The following PCDH9 variants were observed in gnomAD, a reference collection of about 807,000 sequenced individuals.
PCDH9 encodes the protein protocadherin-9.
A neutral mutation model predicts 70.6 loss-of-function variants in PCDH9; 24 were observed. That is an observed-to-expected ratio of 0.34 (90% CI 0.25 to 0.48). The LOEUF (loss-of-function observed/expected upper bound fraction) is 0.48. PCDH9 is among the 20% of genes least tolerant of loss of function. PCDH9 has a pLI of 0.99. For missense variants in PCDH9, 1,281 were observed against 1,503.6 expected (o/e 0.85, Z 2.45); for synonymous variants, 562 against 558.5 (o/e 1.01, Z -0.09).
chr13:66,766,906 T>C (rs761709781), intron 3 of PCDH9, among the ~76,000 whole-genome samples: 11 of 151,960 alleles, frequency 7.2e-5, no homozygotes, highest in Non-Finnish European at 1.3e-4. Flanking sequence ...AGTGGTTTCA[T>C]TCAAAAAGTT....
At chr13:66,847,826 A>G (rs763024855) in intron 3 of PCDH9, among the ~76,000 whole-genome samples, 48 of 152,188 alleles carry the variant, frequency 3.2e-4, no homozygotes, top group Non-Finnish European at 6.3e-4. Context: ...CATGGGATGG[A>G]GCAGGACAGT....
chr13:67,001,434 A>C (rs9529163), intron 2 of PCDH9, among the ~76,000 whole-genome samples: 14,001 of 152,214 alleles, frequency 0.092, 754 homozygotes, highest in Non-Finnish European at 0.12. Context: ...TAGTTTGTTA[A>C]TTTCTCACTA....
At chr13:66,863,383 A>G (rs1211618448) in intron 3 of PCDH9, among the ~76,000 whole-genome samples, 1 of 152,226 alleles carries the variant, frequency 6.6e-6, no homozygotes, top group East Asian at 1.9e-4. Context: ...TGATCATTAA[A>G]CAAATCCCAG....
intron 2 of PCDH9, among the ~76,000 whole-genome samples, chr13:66,987,988 T>C (rs766195469): frequency 5.3e-5 from 8 of 151,888 alleles, no homozygotes; most frequent in Non-Finnish European, 7.4e-5. Flanking sequence ...GCTCAATAAG[T>C]TCTTGGGCTC....
intron 3 of PCDH9, among the ~76,000 whole-genome samples, chr13:66,800,667 G>A (rs1051570173): frequency 6.6e-6 from 1 of 152,124 alleles, no homozygotes; most frequent in African/African-American, 2.4e-5. Flanking sequence ...TCAGCAAGAT[G>A]TCTCACTTGC....
chr13:66,717,784 A>C (rs1029819656), intron 3 of PCDH9, among the ~76,000 whole-genome samples: 3 of 151,998 alleles, frequency 2.0e-5, no homozygotes, highest in African/African-American at 7.3e-5. Flanking sequence ...CTCTTCCTAG[A>C]TCTGATTCTC....
chr13:66,561,335 G>T (rs1339425752), intron 4 of PCDH9, among the ~76,000 whole-genome samples: 2 of 152,182 alleles, frequency 1.3e-5, no homozygotes, highest in African/African-American at 4.8e-5. Flanking sequence ...TGCCGCCCGA[G>T]CCTCCCGGAG....
intron 2 of PCDH9, among the ~76,000 whole-genome samples, chr13:67,110,173 C>A (rs1307540987): frequency 1.3e-5 from 2 of 150,902 alleles, no homozygotes; most frequent in Admixed American, 6.6e-5. Context: ...TGGAAAACTG[C>A]TATGCAAAAG....
At position 67,004,855 on chromosome 13, in the gene PCDH9, A is replaced by G. The variant is rs73211163; in HGVS notation, c.3037-101250T>C. Among the ~76,000 whole-genome samples the G allele has an allele frequency of 8.4e-3, 1,275 of 152,262 alleles. 6 individuals are homozygous for G. The highest frequency in any genetic ancestry group is 0.015 in the Non-Finnish European group (1,041 of 68,020). The stretch of plus-strand genomic sequence containing the variant: ...TTATTTAAGCCTCTTGTTACTCCTG[A>G]CAAATAATAATAAATAAATGCTTTA... On this transcript the variant is annotated intron_variant, in intron 2 of 4. Coordinates refer to ENST00000377865, the MANE Select transcript of PCDH9 (RefSeq NM_203487.3).
At chr13:66,501,005 T>TTAGG (rs1292665083) in intron 4 of PCDH9, among the ~76,000 whole-genome samples, 1 of 152,108 alleles carries the variant, frequency 6.6e-6, no homozygotes, top group Non-Finnish European at 1.5e-5. Flanking sequence ...AAGAACTTTA[T>TTAGG]TAGGTTTAAT....
At chr13:67,121,790 G>A (rs561409525) in intron 2 of PCDH9, among the ~76,000 whole-genome samples, 2 of 152,242 alleles carry the variant, frequency 1.3e-5, no homozygotes, top group Non-Finnish European at 2.9e-5. Flanking sequence ...TCTGAGTTTT[G>A]TTATTAATTA....
intron 3 of PCDH9, among the ~76,000 whole-genome samples, chr13:66,894,363 A>G (rs1594218967): frequency 6.6e-6 from 1 of 152,326 alleles, no homozygotes; most frequent in East Asian, 1.9e-4. Context: ...TTTGTAAATA[A>G]GCTTTTAACA....
At chr13:67,214,699 T>C (rs1021615819) in intron 2 of PCDH9, 12 of 151,826 alleles carry the variant, frequency 7.9e-5, no homozygotes, top group African/African-American at 2.9e-4. Flanking sequence ...AGATCAATTT[T>C]CCAAAAGTCC....
At chr13:66,824,657 T>A (rs1262484844) in intron 3 of PCDH9, among the ~76,000 whole-genome samples, 3 of 24,626 alleles carry the variant, frequency 1.2e-4, no homozygotes, top group African/African-American at 3.5e-4. Flanking sequence ...CTCTGATATA[T>A]ATATATATAT....
intron 2 of PCDH9, among the ~76,000 whole-genome samples, chr13:67,136,425 A>G (rs540696994): frequency 2.6e-5 from 4 of 152,274 alleles, no homozygotes; most frequent in African/African-American, 9.6e-5. Flanking sequence ...CCTTCACTGC[A>G]GTGCCTGTTT....
rs74093147 is a variant in PCDH9 at position 66,700,696 on chromosome 13, A to C, written c.3139-69285T>G. Among the ~76,000 whole-genome samples, 606 of 152,058 alleles carry C rather than the reference A, an allele frequency of 4.0e-3. 6 individuals are homozygous for C. The highest frequency in any genetic ancestry group is 0.014 in the African/African-American group (589 of 41,490). The stretch of plus-strand genomic sequence containing the variant: ...GGACGAGACTTTCAAAAGCAAACTT[A>C]TTTGTTCTGCCTGACCTGCTGAATT... On this transcript the variant is annotated intron_variant, in intron 3 of 4. Transcript: ENST00000377865.
intron 3 of PCDH9, among the ~76,000 whole-genome samples, chr13:66,855,268 C>T (rs960980238): frequency 6.6e-6 from 1 of 152,054 alleles, no homozygotes; most frequent in African/African-American, 2.4e-5. Flanking sequence ...TGTCATTTCT[C>T]TCATTCACTA....
At chr13:66,375,686 G>A (rs933067739) in intron 4 of PCDH9, among the ~76,000 whole-genome samples, 5 of 152,006 alleles carry the variant, frequency 3.3e-5, no homozygotes, top group African/African-American at 1.2e-4. Flanking sequence ...ACAAATTGAT[G>A]ATATTTTATA....
intron 4 of PCDH9, among the ~76,000 whole-genome samples, chr13:66,484,448 A>G (rs910607674): frequency 6.6e-6 from 1 of 152,218 alleles, no homozygotes; most frequent in Admixed American, 6.5e-5. Context: ...GGGCGATAAA[A>G]GAACCTTTCC....
Sources: gnomAD v4.1 joint callset for allele counts (sites outside exome capture counted in the v4.1 genomes callset) on GRCh38, gnomAD v4.1.1 for gene constraint, MANE v1.5 for transcripts, NCBI Gene and HGNC (gene_info 2026-07-23, HGNC 2026-07-21) for gene names.